Variants in TMEM169 observed in about 807,000 individuals in gnomAD.
TMEM169 encodes the protein transmembrane protein 169.
A neutral mutation model predicts 27.3 loss-of-function variants in TMEM169; 18 were observed. The ratio of observed to expected loss-of-function variants is 0.66; its 90% CI spans 0.46 to 0.98. The LOEUF (loss-of-function observed/expected upper bound fraction) is 0.98. TMEM169 is among the 50% of genes least tolerant of loss of function. TMEM169 has a pLI of 0.00. For synonymous variants in TMEM169, 136 were observed against 142.1 expected (o/e 0.96, Z 0.30); for missense variants, 320 against 368.6 (o/e 0.87, Z 1.08).
At chr2:216,092,681 A>T (rs1477512324) in intron 1 of TMEM169, among the ~76,000 whole-genome samples, 4 of 152,320 alleles carry the variant, frequency 2.6e-5, no homozygotes, top group African/African-American at 4.8e-5. Flanking sequence ...CAGAACATAA[A>T]CCTTCTCCCA....
At chr2:216,092,051 C>T (rs757694577) in intron 1 of TMEM169, among the ~76,000 whole-genome samples, 17 of 152,182 alleles carry the variant, frequency 1.1e-4, no homozygotes, top group Non-Finnish European at 2.4e-4. Flanking sequence ...AAAATAGCCC[C>T]CCTAAGGTGA....
chr2:216,097,133 A>G (rs1156480369), intron 2 of TMEM169, among the ~76,000 whole-genome samples: 1 of 152,224 alleles, frequency 6.6e-6, no homozygotes, highest in African/African-American at 2.4e-5. Context: ...TGACCCAGAA[A>G]TTCTCAATAT....
intron 1 of TMEM169, among the ~76,000 whole-genome samples, chr2:216,089,709 C>T (rs1417788228): frequency 6.6e-6 from 1 of 152,172 alleles, no homozygotes; most frequent in Non-Finnish European, 1.5e-5. Flanking sequence ...CCATCTTGCC[C>T]TTCCAAAATG....
chr2:216,095,488 G>GGT, intron 1 of TMEM169, among the ~76,000 whole-genome samples: 1 of 151,942 alleles, frequency 6.6e-6, no homozygotes, highest in Admixed American at 6.6e-5. Flanking sequence ...CACAAAAATC[G>GGT]GTAACACAAG....
chr2:216,100,951 G>A lies in TMEM169; in HGVS notation c.*409G>A, dbSNP rs1009823980. The A allele has an allele frequency of 7.9e-6, 2 of 254,224 alleles. No individual in the cohort carries two copies. Among genetic ancestry groups the A allele is most frequent in the Non-Finnish European group, 1.5e-5 (2 of 130,802 alleles). 15.7% of individuals were successfully genotyped at this position (254,224 alleles called of 1,614,324 possible). A position where few individuals can be genotyped will look rare whatever the true frequency, so the allele number is the denominator to read the frequency against. ...GACAGGGATGGAGTGAGACATTTAG[G>A]AAGCTGGACTACCACAGTGTAGCAG... On this transcript the variant is annotated 3_prime_UTR_variant, in exon 3 of 3. Transcript: ENST00000437356.
intron 2 of TMEM169, among the ~76,000 whole-genome samples, chr2:216,098,177 A>C (rs1696304217): frequency 6.6e-6 from 1 of 152,186 alleles, no homozygotes; most frequent in Admixed American, 6.5e-5. Context: ...TTAAGCAAAG[A>C]GACATCATCT....
At chr2:216,086,322 C>G (rs1210219638) in intron 1 of TMEM169, among the ~76,000 whole-genome samples, 4 of 152,114 alleles carry the variant, frequency 2.6e-5, no homozygotes, top group Non-Finnish European at 5.9e-5. Flanking sequence ...CTCGGCCTCC[C>G]TAAGTGCTGG....
At chr2:216,098,367 C>G (rs1696307912) in intron 2 of TMEM169, among the ~76,000 whole-genome samples, 1 of 152,066 alleles carries the variant, frequency 6.6e-6, no homozygotes, top group Admixed American at 6.6e-5. Flanking sequence ...GCAATCTGAA[C>G]TTGCTGATTG....
At chr2:216,088,733 G>C (rs752550565) in intron 1 of TMEM169, among the ~76,000 whole-genome samples, 2 of 152,176 alleles carry the variant, frequency 1.3e-5, no homozygotes, top group African/African-American at 4.8e-5. Context: ...TGCATGTACT[G>C]TATAATCAAC....
intron 1 of TMEM169, among the ~76,000 whole-genome samples, chr2:216,090,319 G>A (rs112665823): frequency 0.014 from 2,182 of 152,212 alleles, 63 homozygotes; most frequent in African/African-American, 0.049. Flanking sequence ...AAGTTGGGGT[G>A]GTCAAAGAAA....
At chr2:216,087,304 T>C (rs1696025421) in intron 1 of TMEM169, among the ~76,000 whole-genome samples, 1 of 152,186 alleles carries the variant, frequency 6.6e-6, no homozygotes, top group African/African-American at 2.4e-5. Flanking sequence ...TTTGTTTTGT[T>C]TATTAATCAC....
At chr2:216,093,376 C>T (rs1696184741) in intron 1 of TMEM169, among the ~76,000 whole-genome samples, 1 of 152,118 alleles carries the variant, frequency 6.6e-6, no homozygotes, top group Non-Finnish European at 1.5e-5. Context: ...TCCCCTGCTT[C>T]TTCCTGTGTA....
intron 1 of TMEM169, among the ~76,000 whole-genome samples, chr2:216,085,451 A>T (rs1284179204): frequency 6.6e-6 from 1 of 152,190 alleles, no homozygotes; most frequent in African/African-American, 2.4e-5. Context: ...TGAGGAATTG[A>T]TTGGAAGGCA....
At position 216,100,703 on chromosome 2, in the gene TMEM169, C is replaced by A; in HGVS notation, c.*161C>A. 1.0e-6 allele frequency: 1 copy of A among 966,438 alleles called. No homozygotes were observed. Among genetic ancestry groups the A allele is most frequent in the Non-Finnish European group, 1.5e-6 (1 of 663,668 alleles). 59.9% of individuals were successfully genotyped at this position (966,438 alleles called of 1,614,324 possible). ...TACCATCTTGAGGGTTCCAGGAGGG[C>A]ATGGAGCAGACAAGCAATTGTGCCA... On this transcript the variant is annotated 3_prime_UTR_variant, in exon 3 of 3. Transcript: ENST00000437356.
intron 1 of TMEM169, among the ~76,000 whole-genome samples, chr2:216,084,651 G>A (rs916306970): frequency 6.6e-6 from 1 of 152,232 alleles, no homozygotes; most frequent in Non-Finnish European, 1.5e-5. Context: ...AGGCAGAGCA[G>A]GGAGTCAAGT....
intron 1 of TMEM169, among the ~76,000 whole-genome samples, chr2:216,091,068 A>G (rs1234810010): frequency 2.0e-5 from 3 of 152,260 alleles, no homozygotes; most frequent in Admixed American, 2.0e-4. Context: ...AAACAGGGAC[A>G]GAGCCACTCA....
chr2:216,092,829 G>A (rs1696165788), intron 1 of TMEM169, among the ~76,000 whole-genome samples: 1 of 147,042 alleles, frequency 6.8e-6, no homozygotes, highest in Non-Finnish European at 1.5e-5. Flanking sequence ...ATCTAAGTAG[G>A]AAAACACGGT....
chr2:216,099,880 C>T lies in TMEM169; in HGVS notation c.272-40C>T. 6.4e-7 allele frequency: 1 copy of T among 1,572,506 alleles called. No individual in the cohort carries two copies. On this transcript the variant is annotated intron_variant, in intron 2 of 2. Coordinates refer to ENST00000437356, the MANE Select transcript of TMEM169 (RefSeq NM_001142311.2). This position sits in a 1 kb window ranked among gnomAD's most constrained non-coding sequence, Gnocchi z 5.0. ...GTGCAACATGGAGATGCAATGCCCACTCTTCTGATCTTGACTCTCACCTCC... is the reference window on the plus strand; with the variant it reads ...GTGCAACATGGAGATGCAATGCCCATTCTTCTGATCTTGACTCTCACCTCC...
At chr2:216,093,274 C>G (rs1165850561) in intron 1 of TMEM169, among the ~76,000 whole-genome samples, 1 of 151,600 alleles carries the variant, frequency 6.6e-6, no homozygotes, top group Non-Finnish European at 1.5e-5. Flanking sequence ...GTAGAAGAGC[C>G]CTGGTCAAGC....
Sources: allele counts gnomAD v4.1 joint callset (sites outside exome capture counted in the v4.1 genomes callset), GRCh38; gene constraint gnomAD v4.1.1; non-coding constraint Gnocchi (gnomAD v3.1); transcripts MANE v1.5; gene names NCBI Gene and HGNC (gene_info 2026-07-23, HGNC 2026-07-21).